Variants in PPA1 observed in about 807,000 individuals in gnomAD.
PPA1 encodes the protein inorganic pyrophosphatase.
A neutral mutation model predicts 41.8 loss-of-function variants in PPA1; 23 were observed. The ratio of observed to expected loss-of-function variants is 0.55; its 90% CI spans 0.40 to 0.78. The LOEUF is 0.78. PPA1 is among the 30% of genes least tolerant of loss of function. The pLI is 0.00. For synonymous variants in PPA1, 101 were observed against 116.8 expected (o/e 0.86, Z 0.87); for missense variants, 320 against 361.6 (o/e 0.89, Z 0.93).
At chr10:70,220,967 TTTTA>T (rs1840150870) in intron 2 of PPA1, among the ~76,000 whole-genome samples, 2 of 33,506 alleles carry the variant, frequency 6.0e-5, no homozygotes, top group African/African-American at 3.1e-4. Context: ...TATATATAAT[TTTTA>T]TATATATACT....
chr10:70,209,932 TCTGACA>T, intron 6 of PPA1: 1 of 459,348 alleles, frequency 2.2e-6, no homozygotes, highest in Non-Finnish European at 3.9e-6. Context: ...TCTGAATAGC[TCTGACA>T]CTAAGTACAG....
Position 70,202,884 on chromosome 10 carries a change from A to G in PPA1, c.*271T>C, listed in dbSNP as rs1176405728. The G allele has an allele frequency of 4.6e-6, 2 of 439,382 alleles. No homozygotes were observed. Among genetic ancestry groups the G allele is most frequent in the Non-Finnish European group, 8.0e-6 (2 of 248,474 alleles). 27.2% of individuals were successfully genotyped at this position (439,382 alleles called of 1,614,324 possible). ...TAACATATGGTAACATATACATCCA[A>G]TATGTGCTCCCCTTGCACATCTATT... On this transcript the variant is annotated 3_prime_UTR_variant, in exon 11 of 11. Coordinates refer to ENST00000373232, the MANE Select transcript of PPA1 (RefSeq NM_021129.4).
chr10:70,213,613 G>A (rs1326032688), intron 5 of PPA1, 24 bp from the exon 6 acceptor site: 2 of 1,611,470 alleles, frequency 1.2e-6, no homozygotes, highest in East Asian at 2.2e-5. Context: ...GCCAAAGTCA[G>A]GACAACATTA....
intron 1 of PPA1, among the ~76,000 whole-genome samples, chr10:70,231,783 G>A (rs1209146500): frequency 6.7e-6 from 1 of 149,588 alleles, no homozygotes; most frequent in Non-Finnish European, 1.5e-5. Context: ...AGTTCCACTT[G>A]ATAAAAACAG....
At chr10:70,221,003 AAC>A (rs1227444756) in intron 2 of PPA1, among the ~76,000 whole-genome samples, 2 of 57,178 alleles carry the variant, frequency 3.5e-5, no homozygotes, top group African/African-American at 1.9e-4. Context: ...TTATATATAT[AAC>A]ATATATATAA....
intron 8 of PPA1, among the ~76,000 whole-genome samples, chr10:70,206,894 GGGGAGGAGAGGAC>G (rs1564580276): frequency 5.4e-4 from 65 of 120,782 alleles, no homozygotes; most frequent in East Asian, 2.1e-3. Flanking sequence ...GGGGAGGGGA[GGGGAGGAGAGGAC>G]GAAAGAAACT....
chr10:70,210,678 G>A (rs1840007175), intron 6 of PPA1, among the ~76,000 whole-genome samples: 1 of 152,012 alleles, frequency 6.6e-6, no homozygotes, highest in South Asian at 2.1e-4. Flanking sequence ...TAAAAAGTCA[G>A]TTAGGAAAAG....
At chr10:70,230,913 C>T (rs1468931290) in intron 1 of PPA1, among the ~76,000 whole-genome samples, 1 of 152,164 alleles carries the variant, frequency 6.6e-6, no homozygotes, top group African/African-American at 2.4e-5. Context: ...GTACTAATCT[C>T]TATAGTGAGA....
At chr10:70,218,491 C>A (rs1840102535) in intron 3 of PPA1, 1 of 392,268 alleles carries the variant, frequency 2.5e-6, no homozygotes, top group African/African-American at 2.1e-5. Context: ...GAAGGGCTTA[C>A]AGAGAGTAAG....
At chr10:70,232,839 C>T (rs975522521) in intron 1 of PPA1, among the ~76,000 whole-genome samples, 1 of 151,398 alleles carries the variant, frequency 6.6e-6, no homozygotes, top group Non-Finnish European at 1.5e-5. Context: ...GAATTAAGGT[C>T]TTTAGGAAGT....
chr10:70,212,223 T>C (rs2184333), intron 6 of PPA1, among the ~76,000 whole-genome samples: 110,954 of 152,196 alleles, frequency 0.73, 41,057 homozygotes, highest in Non-Finnish European at 0.79. Context: ...CATTTGTCTA[T>C]TTATTCAATC....
At chr10:70,228,745 T>C (rs1447970223) in intron 2 of PPA1, among the ~76,000 whole-genome samples, 1 of 152,152 alleles carries the variant, frequency 6.6e-6, no homozygotes, top group Non-Finnish European at 1.5e-5. Context: ...TTGCCTCTAA[T>C]TGGAGTCTTA....
chr10:70,213,475 C>G lies in PPA1; in HGVS notation c.499G>C (p.Ala167Pro). The G allele has an allele frequency of 6.2e-7, 1 of 1,613,842 alleles. No homozygotes were observed. Among genetic ancestry groups the G allele is most frequent in the Non-Finnish European group, 8.5e-7 (1 of 1,179,854 alleles). ...IAINVDDPDAANYNDINDVKR... is the reference protein window; with the variant it reads ...IAINVDDPDAPNYNDINDVKR... The stretch of plus-strand genomic sequence containing the variant: ...CAAATTTTCTTACCATTATAATTGG[C>G]TGCATCAGGATCATCCACATTAATG... The change falls in exon 6 of 11, where the codon GCC becomes CCC. Residue 167 changes from alanine to proline, a missense_variant. Transcript: ENST00000373232.
At chr10:70,209,363 C>A in intron 7 of PPA1, 73 bp from the exon 8 acceptor site, 1 of 1,362,732 alleles carries the variant, frequency 7.3e-7, no homozygotes, top group South Asian at 1.3e-5. Flanking sequence ...TTCCCCAAAG[C>A]CTGATACTTT....
At chr10:70,224,544 T>C (rs187814678) in intron 2 of PPA1, among the ~76,000 whole-genome samples, 5 of 152,308 alleles carry the variant, frequency 3.3e-5, no homozygotes, top group Non-Finnish European at 5.9e-5. Flanking sequence ...TAGGGTCTTA[T>C]GGACCAAGTC....
At chr10:70,218,853 A>G (rs746463582) in intron 2 of PPA1, 36 bp from the exon 3 acceptor site, 6 of 1,532,480 alleles carry the variant, frequency 3.9e-6, no homozygotes, top group Non-Finnish European at 4.5e-6. Context: ...TGGTCACAGG[A>G]GCCAATTTGT....
Position 70,223,577 on chromosome 10 carries a change from CA to C in PPA1, c.124-4761del, listed in dbSNP as rs1312435445. Reference sequence around the variant, plus strand: ...TTTAGCAGGAATTACTACTAAAGAACAACCTTCTTCTAGACATCTGGCTACA... The same window carrying C: ...TTTAGCAGGAATTACTACTAAAGAACACCTTCTTCTAGACATCTGGCTACA... On this transcript the variant is annotated intron_variant, in intron 2 of 10. Coordinates refer to ENST00000373232, the MANE Select transcript of PPA1 (RefSeq NM_021129.4). Among the ~76,000 whole-genome samples the C allele has an allele frequency of 6.6e-5, 10 of 152,182 alleles. No homozygotes were observed. In the East Asian group the frequency reaches 1.9e-3, roughly 29 times the overall value.
At chr10:70,208,192 GA>G (rs1839969697) in intron 8 of PPA1, among the ~76,000 whole-genome samples, 1 of 152,022 alleles carries the variant, frequency 6.6e-6, no homozygotes, top group South Asian at 2.1e-4. Context: ...CTCTGTCTCA[GA>G]AAACAACAAC....
At chr10:70,209,100 C>A in intron 8 of PPA1, 105 bp downstream of exon 8, 1 of 788,356 alleles carries the variant, frequency 1.3e-6, no homozygotes, top group Non-Finnish European at 1.9e-6. Flanking sequence ...AGCCTTGTAT[C>A]TCTTTTCTAA....
Sources: allele counts gnomAD v4.1 joint callset (sites outside exome capture counted in the v4.1 genomes callset), GRCh38; gene constraint gnomAD v4.1.1; transcripts MANE v1.5; gene names NCBI Gene and HGNC (gene_info 2026-07-23, HGNC 2026-07-21).